TMEFF2: variants seen among roughly 807,000 people sequenced by gnomAD.
TMEFF2 encodes tomoregulin-2.
A neutral mutation model predicts 53.8 loss-of-function variants in TMEFF2; 28 were observed. The observed-to-expected ratio is 0.52, with a 90% CI of 0.39 to 0.71. The LOEUF is 0.71. Ranked by LOEUF, TMEFF2 falls within the 30% of genes least tolerant of loss-of-function variation. The pLI is 0.00. For synonymous variants in TMEFF2, 162 were observed against 166.3 expected (o/e 0.97, Z 0.20); for missense variants, 353 against 455.2 (o/e 0.78, Z 2.04).
At chr2:191,984,184 T>TAA (rs1183109427) in intron 7 of TMEFF2, among the ~76,000 whole-genome samples, 1 of 152,094 alleles carries the variant, frequency 6.6e-6, no homozygotes, top group Non-Finnish European at 1.5e-5. Context: ...AAAATTTTGT[T>TAA]AATTAAAAAA....
At chr2:191,987,307 T>C (rs541305678) in intron 7 of TMEFF2, among the ~76,000 whole-genome samples, 9 of 152,292 alleles carry the variant, frequency 5.9e-5, no homozygotes, top group African/African-American at 2.2e-4. Flanking sequence ...CATAAGGTGA[T>C]GGTCAACAAT....
At position 191,953,747 on chromosome 2, in the gene TMEFF2, G is replaced by A. The variant is rs772064574; in HGVS notation, c.960C>T (p.Val320=). The change falls in exon 9 of 10, where the codon GTC becomes GTT. Residue 320 remains valine, a synonymous_variant. Transcript: ENST00000272771. ...VVPGPVRFQY[V]LIAAVIGTIQ... ...TTGTTCCAATCACAGCTGCGATTAA[G>A]ACATACTGAAATCGTACAGGACCGG... 6 of 1,614,156 alleles carry A rather than the reference G, an allele frequency of 3.7e-6. No individual in the cohort carries two copies. Among genetic ancestry groups the A allele is most frequent in the Non-Finnish European group, 4.2e-6 (5 of 1,180,012 alleles).
chr2:192,108,519 T>C (rs928330806), intron 4 of TMEFF2, among the ~76,000 whole-genome samples: 1 of 151,954 alleles, frequency 6.6e-6, no homozygotes, highest in Admixed American at 6.6e-5. Context: ...CAACAAATTC[T>C]TTATGATTTC....
intron 3 of TMEFF2, among the ~76,000 whole-genome samples, chr2:192,184,018 C>T (rs1229363294): frequency 6.6e-6 from 1 of 152,064 alleles, no homozygotes; most frequent in East Asian, 1.9e-4. Flanking sequence ...CAACTGTATT[C>T]ATACATAGTC....
At chr2:192,097,717 T>G (rs925137510) in intron 4 of TMEFF2, among the ~76,000 whole-genome samples, 2 of 151,932 alleles carry the variant, frequency 1.3e-5, no homozygotes, top group Non-Finnish European at 2.9e-5. Context: ...CCATTATTAG[T>G]ATTTATTAAG....
At chr2:191,976,700 A>T (rs1375624855) in intron 7 of TMEFF2, among the ~76,000 whole-genome samples, 1 of 152,244 alleles carries the variant, frequency 6.6e-6, no homozygotes, top group Admixed American at 6.5e-5. Flanking sequence ...ATGCAATGTG[A>T]TGACTGGGAA....
Position 192,023,459 on chromosome 2 carries a change from T to C in TMEFF2, c.537-24251A>G, listed in dbSNP as rs1389551475. Among the ~76,000 whole-genome samples, 3 of 152,138 alleles carry C rather than the reference T, an allele frequency of 2.0e-5. No individual in the cohort carries two copies. In the East Asian group the frequency reaches 5.8e-4, roughly 29 times the overall value. On this transcript the variant is annotated intron_variant, in intron 5 of 9. Transcript: ENST00000272771. ...CAACTCATGGGAAACAGAAAGGTGATGACAGTATTATTTTTTTCTCCAAAA... is the reference window on the plus strand; with the variant it reads ...CAACTCATGGGAAACAGAAAGGTGACGACAGTATTATTTTTTTCTCCAAAA...
At chr2:192,188,988 T>C (rs1436105682) in intron 2 of TMEFF2, among the ~76,000 whole-genome samples, 2 of 152,074 alleles carry the variant, frequency 1.3e-5, no homozygotes, top group African/African-American at 4.8e-5. Flanking sequence ...TGTTTACATA[T>C]GTAATAAACC....
chr2:192,090,121 T>A (rs941090858), intron 4 of TMEFF2, among the ~76,000 whole-genome samples: 3 of 152,322 alleles, frequency 2.0e-5, no homozygotes, highest in East Asian at 1.9e-4. Context: ...TTGCATTCTT[T>A]CCTCTTGCCT....
chr2:191,965,186 A>G (rs1424013053), intron 7 of TMEFF2, among the ~76,000 whole-genome samples: 2 of 152,104 alleles, frequency 1.3e-5, no homozygotes, highest in African/African-American at 4.8e-5. Flanking sequence ...TCATATCTAT[A>G]TATCAACATT....
intron 5 of TMEFF2, among the ~76,000 whole-genome samples, chr2:192,018,065 T>C (rs959427695): frequency 1.3e-5 from 2 of 152,188 alleles, no homozygotes; most frequent in African/African-American, 2.4e-5. Flanking sequence ...GGCTTGTTGA[T>C]GGAGTCACAG....
At chr2:192,146,500 A>G (rs1348829076) in intron 4 of TMEFF2, among the ~76,000 whole-genome samples, 1 of 152,006 alleles carries the variant, frequency 6.6e-6, no homozygotes, top group East Asian at 1.9e-4. Context: ...CTAAAGCCCA[A>G]TTTGCAAGCT....
At chr2:191,981,785 A>G (rs370709738) in intron 7 of TMEFF2, among the ~76,000 whole-genome samples, 5 of 152,320 alleles carry the variant, frequency 3.3e-5, no homozygotes, top group Admixed American at 3.3e-4. Flanking sequence ...TAATACATTT[A>G]TCAATCCTCA....
chr2:192,178,225 A>G lies in TMEFF2; in HGVS notation c.439+1443T>C, dbSNP rs115276572. The G allele has an allele frequency of 3.1e-3, 469 of 151,198 alleles. 1 individual carries two copies. The highest frequency in any genetic ancestry group is 0.011 in the African/African-American group (456 of 41,446). 9.4% of individuals were successfully genotyped at this position (151,198 alleles called of 1,614,324 possible). On this transcript the variant is annotated intron_variant, in intron 4 of 9. Coordinates refer to ENST00000272771, the MANE Select transcript of TMEFF2 (RefSeq NM_016192.4). ...ATAGAAACTGTTTCCTTACAAAAGCAACATTTTAAAAAATTAATTGATTTC... is the reference window on the plus strand; with the variant it reads ...ATAGAAACTGTTTCCTTACAAAAGCGACATTTTAAAAAATTAATTGATTTC...
intron 4 of TMEFF2, among the ~76,000 whole-genome samples, chr2:192,164,143 G>A (rs1191572201): frequency 6.6e-6 from 1 of 152,078 alleles, no homozygotes; most frequent in Non-Finnish European, 1.5e-5. Flanking sequence ...GTCTTCCAAA[G>A]GCTTTCCATG....
chr2:192,179,841 A>G lies in TMEFF2; in HGVS notation c.413-147T>C, dbSNP rs188664285. ...ATTTAATCCAAAAACGTACATTCAC[A>G]TCAATTTAATTTAATATCTATTAAT... is the stretch of plus-strand genomic sequence containing the variant. On this transcript the variant is annotated intron_variant, in intron 3 of 9. Transcript: ENST00000272771. 7.0e-6 allele frequency: 4 copies of G among 569,132 alleles called. No individual in the cohort carries two copies. In the Admixed American group the frequency reaches 1.3e-4, roughly 18 times the overall value. 35.3% of individuals were successfully genotyped at this position (569,132 alleles called of 1,614,324 possible).
At chr2:191,969,141 A>G (rs950769991) in intron 7 of TMEFF2, among the ~76,000 whole-genome samples, 35 of 150,308 alleles carry the variant, frequency 2.3e-4, no homozygotes, top group South Asian at 1.7e-3. Flanking sequence ...GTGTGTATCT[A>G]TGTGTGTGTG....
intron 4 of TMEFF2, among the ~76,000 whole-genome samples, chr2:192,164,465 C>T (rs1690706311): frequency 6.6e-6 from 1 of 152,138 alleles, no homozygotes; most frequent in Non-Finnish European, 1.5e-5. Context: ...CGCGGTGGCT[C>T]ATGCCTGTAA....
At chr2:191,956,096 G>GCT (rs1391760006) in intron 8 of TMEFF2, among the ~76,000 whole-genome samples, 159 bp downstream of exon 8, 5 of 80,064 alleles carry the variant, frequency 6.2e-5, no homozygotes, top group South Asian at 4.5e-4. Flanking sequence ...GTGTGAGTAT[G>GCT]TGTGTATGTG....
Sources: allele counts gnomAD v4.1 joint callset (sites outside exome capture counted in the v4.1 genomes callset), GRCh38; gene constraint gnomAD v4.1.1; transcripts MANE v1.5; gene names NCBI Gene and HGNC (gene_info 2026-07-23, HGNC 2026-07-21).